DSCAM: variants seen among roughly 807,000 people sequenced by gnomAD.
The protein encoded by DSCAM is cell adhesion molecule DSCAM.
Under a neutral mutation model 217.7 loss-of-function variants are expected in DSCAM, and 47 were observed. The observed-to-expected ratio is 0.22, with a 90% CI of 0.17 to 0.28. The LOEUF (loss-of-function observed/expected upper bound fraction) is 0.28. Ranked by LOEUF, DSCAM falls within the 10% of genes least tolerant of loss-of-function variation. DSCAM has a pLI of 1.00. For missense variants in DSCAM, 2,080 were observed against 2,618.3 expected (o/e 0.79, Z 4.49); for synonymous variants, 1,056 against 1,015.3 (o/e 1.04, Z -0.76).
chr21:40,149,076 T>A (rs952104747), intron 16 of DSCAM, among the ~76,000 whole-genome samples: 1 of 151,980 alleles, frequency 6.6e-6, no homozygotes, highest in Non-Finnish European at 1.5e-5. Flanking sequence ...TCAATCACTA[T>A]CCCAACACCA....
intron 18 of DSCAM, among the ~76,000 whole-genome samples, chr21:40,139,680 G>C (rs1271631693): frequency 6.6e-6 from 1 of 151,952 alleles, no homozygotes; most frequent in Non-Finnish European, 1.5e-5. Flanking sequence ...TGTGGTATGT[G>C]GTGTATATGG....
At chr21:40,539,408 A>C (rs1049335020) in intron 3 of DSCAM, among the ~76,000 whole-genome samples, 14 of 152,002 alleles carry the variant, frequency 9.2e-5, no homozygotes, top group Admixed American at 7.2e-4. Flanking sequence ...AGGCAGGAGA[A>C]TGGCGTGAAC....
At chr21:40,756,426 C>T (rs1294277707) in intron 1 of DSCAM, among the ~76,000 whole-genome samples, 1 of 152,056 alleles carries the variant, frequency 6.6e-6, no homozygotes, top group Non-Finnish European at 1.5e-5. Context: ...GAGTTTTGCT[C>T]TGTCACCCTA....
chr21:40,764,319 A>G (rs1314536909), intron 1 of DSCAM, among the ~76,000 whole-genome samples: 3 of 137,542 alleles, frequency 2.2e-5, no homozygotes, highest in African/African-American at 7.6e-5. Flanking sequence ...GAAGATATTT[A>G]TGCCGCCAAA....
At chr21:40,295,127 CACAAAT>C (rs1374096846) in intron 10 of DSCAM, among the ~76,000 whole-genome samples, 1 of 151,380 alleles carries the variant, frequency 6.6e-6, no homozygotes, top group Non-Finnish European at 1.5e-5. Context: ...ATTAAGTCAA[CACAAAT>C]ACAAATACCT....
At chr21:40,791,447 G>A (rs1251328638) in intron 1 of DSCAM, among the ~76,000 whole-genome samples, 6 of 152,108 alleles carry the variant, frequency 3.9e-5, no homozygotes, top group Admixed American at 6.5e-5. Context: ...GAGGTCAGGA[G>A]ATCGAGACCA....
At chr21:40,305,896 TTTGGCTTAGGA>T (rs1483859827) in intron 9 of DSCAM, among the ~76,000 whole-genome samples, 24 of 152,188 alleles carry the variant, frequency 1.6e-4, no homozygotes, top group Non-Finnish European at 3.5e-4. Context: ...GCTTTGTTCT[TTTGGCTTAGGA>T]TTGACTTGGC....
intron 3 of DSCAM, among the ~76,000 whole-genome samples, chr21:40,636,181 G>T (rs963510496): frequency 1.3e-5 from 2 of 152,214 alleles, no homozygotes; most frequent in East Asian, 1.9e-4. Context: ...CGCTATCTCT[G>T]CTGCCCAGCT....
intron 11 of DSCAM, among the ~76,000 whole-genome samples, chr21:40,266,778 A>ATATATC (rs2073541074): frequency 5.3e-4 from 1 of 1,882 alleles, no homozygotes; most frequent in Non-Finnish European, 2.1e-3. Context: ...TTTCACATGC[A>ATATATC]TATATATATA....
chr21:40,470,502 G>A (rs1346557817), intron 3 of DSCAM, among the ~76,000 whole-genome samples: 1 of 152,212 alleles, frequency 6.6e-6, no homozygotes, highest in Non-Finnish European at 1.5e-5. Flanking sequence ...CAACTGAACA[G>A]CATTTTGAGC....
At chr21:40,486,635 G>T (rs2076030848) in intron 3 of DSCAM, among the ~76,000 whole-genome samples, 1 of 152,102 alleles carries the variant, frequency 6.6e-6, no homozygotes, top group Admixed American at 6.6e-5. Flanking sequence ...TACAGTTCAG[G>T]TTTTAACCTT....
intron 3 of DSCAM, among the ~76,000 whole-genome samples, chr21:40,613,675 C>T (rs1487993915): frequency 6.6e-6 from 1 of 152,076 alleles, no homozygotes; most frequent in Non-Finnish European, 1.5e-5. Context: ...CCCACTTTTC[C>T]ACTTCACTTT....
At chr21:40,595,120 A>G (rs545549322) in intron 3 of DSCAM, among the ~76,000 whole-genome samples, 5 of 152,246 alleles carry the variant, frequency 3.3e-5, no homozygotes, top group Non-Finnish European at 7.4e-5. Flanking sequence ...ATCCATGCCT[A>G]TAATTCCATG....
chr21:40,256,388 G>GAGAGAGAGAGAC (rs917699038), intron 11 of DSCAM, among the ~76,000 whole-genome samples: 2 of 149,762 alleles, frequency 1.3e-5, no homozygotes, highest in African/African-American at 2.5e-5. Flanking sequence ...GAACCAATAG[G>GAGAGAGAGAGAC]AGAGAGAGAG....
intron 6 of DSCAM, among the ~76,000 whole-genome samples, chr21:40,347,231 G>C (rs578171197): frequency 5.3e-5 from 8 of 150,226 alleles, no homozygotes; most frequent in Non-Finnish European, 1.0e-4. Flanking sequence ...CCGGGAGGCA[G>C]AGGTTGTGAT....
At chr21:40,013,748 G>A (rs1245827966) in intron 32 of DSCAM, among the ~76,000 whole-genome samples, 1 of 152,150 alleles carries the variant, frequency 6.6e-6, no homozygotes, top group African/African-American at 2.4e-5. Context: ...ACCAAACCCC[G>A]CATGTGATTG....
At chr21:40,624,511 T>C (rs1160747310) in intron 3 of DSCAM, among the ~76,000 whole-genome samples, 1 of 152,142 alleles carries the variant, frequency 6.6e-6, no homozygotes, top group African/African-American at 2.4e-5. Flanking sequence ...CAGCCTCATC[T>C]CCAAGTGGGG....
At chr21:40,080,009 G>C (rs1601309395) in intron 25 of DSCAM, 143 bp downstream of exon 25, 1 of 702,324 alleles carries the variant, frequency 1.4e-6, no homozygotes, top group Non-Finnish European at 2.3e-6. Context: ...CTCTCATTAT[G>C]CCGTGGCACT....
At chr21:40,648,649 G>A (rs1244959338) in intron 3 of DSCAM, among the ~76,000 whole-genome samples, 1 of 152,014 alleles carries the variant, frequency 6.6e-6, no homozygotes. Context: ...ACACTGTCGT[G>A]CCTTTGAGTG....
Sources: allele counts gnomAD v4.1 joint callset (sites outside exome capture counted in the v4.1 genomes callset), GRCh38; gene constraint gnomAD v4.1.1; transcripts MANE v1.5; gene names NCBI Gene and HGNC (gene_info 2026-07-23, HGNC 2026-07-21).